Variants in CLUL1 observed in about 807,000 individuals in gnomAD.
The protein encoded by CLUL1 is clusterin like 1.
Under a neutral mutation model 49.4 loss-of-function variants are expected in CLUL1, and 43 were observed. The ratio of observed to expected loss-of-function variants is 0.87; its 90% CI spans 0.68 to 1.12. The LOEUF (loss-of-function observed/expected upper bound fraction) is 1.12, where lower values mean the gene tolerates loss of function less well. CLUL1 is among the 50% of genes most tolerant of loss of function. CLUL1 has a pLI of 0.00. For missense variants in CLUL1, 486 were observed against 544.4 expected, an observed-to-expected ratio of 0.89 and a Z score of 1.07; for synonymous variants, 192 against 184.9, an observed-to-expected ratio of 1.04 and a Z score of -0.31.
At chr18:645,793 A>AAC (rs2074464540) in intron 9 of CLUL1, among the ~76,000 whole-genome samples, 1 of 19,480 alleles carries the variant, frequency 5.1e-5, no homozygotes, top group African/African-American at 2.0e-4. Context: ...GACTCTGTTT[A>AAC]AAAAAAAAAA....
intron 8 of CLUL1, among the ~76,000 whole-genome samples, chr18:642,198 A>T (rs948298480): frequency 6.6e-6 from 1 of 152,206 alleles, no homozygotes; most frequent in Non-Finnish European, 1.5e-5. Flanking sequence ...TGGGAGGCTG[A>T]GGTGGGTGGA....
chr18:598,835 C>CT (rs2072735488), intron 1 of CLUL1, among the ~76,000 whole-genome samples: 1 of 152,034 alleles, frequency 6.6e-6, no homozygotes, highest in Non-Finnish European at 1.5e-5. Flanking sequence ...CCCCCTCTTT[C>CT]TTTTTTTCAG....
chr18:621,887 G>A (rs756466417), intron 4 of CLUL1, among the ~76,000 whole-genome samples: 6 of 152,230 alleles, frequency 3.9e-5, no homozygotes, highest in Non-Finnish European at 7.4e-5. Context: ...CTTTGGGTGG[G>A]TCAAGTAAGC....
At chr18:645,809 AAAT>A (rs1321101116) in intron 9 of CLUL1, among the ~76,000 whole-genome samples, 23 of 70,468 alleles carry the variant, frequency 3.3e-4, no homozygotes, top group South Asian at 5.5e-4. Context: ...AAAAAAAAAA[AAAT>A]ATATATATAT....
chr18:649,820 C>T, intron 9 of CLUL1, 78 bp from the exon 10 acceptor site: 2 of 991,408 alleles, frequency 2.0e-6, no homozygotes, highest in South Asian at 1.4e-5. Context: ...TGGACTTTTA[C>T]TCCAAGAAAA....
intron 2 of CLUL1, among the ~76,000 whole-genome samples, chr18:610,280 C>T (rs964421655): frequency 1.3e-5 from 2 of 152,284 alleles, no homozygotes; most frequent in East Asian, 1.9e-4. Context: ...CGCGGCACTT[C>T]GAAGACTCAA....
At chr18:626,871 G>T (rs1349100062) in intron 5 of CLUL1, among the ~76,000 whole-genome samples, 46 of 272 alleles carry the variant, frequency 0.17, 1 homozygote, top group South Asian at 0.5. Flanking sequence ...AAATAAGAAA[G>T]AAAGAAAGAA....
At chr18:609,128 A>G (rs945544506) in intron 2 of CLUL1, among the ~76,000 whole-genome samples, 1 of 152,130 alleles carries the variant, frequency 6.6e-6, no homozygotes, top group African/African-American at 2.4e-5. Context: ...TTTCATATAC[A>G]CCTTATACAC....
At chr18:632,638 G>C (rs568845168) in intron 6 of CLUL1, among the ~76,000 whole-genome samples, 2 of 152,176 alleles carry the variant, frequency 1.3e-5, no homozygotes, top group East Asian at 3.9e-4. Flanking sequence ...ATAAATGAAA[G>C]CTGCCCTCTC....
chr18:600,643 C>T lies in CLUL1; in HGVS notation c.-136+3514C>T, dbSNP rs747616277. ...TGCTAGAGTACGTTTTGATTGTGCA[C>T]CTGAGGAATTAATAGATTAAGTAGT... On this transcript the variant is annotated intron_variant, in intron 1 of 9. Transcript: ENST00000692774. Among the ~76,000 whole-genome samples the T allele has an allele frequency of 4.7e-4, 71 of 152,096 alleles. 1 individual carries two copies. The highest frequency in any genetic ancestry group is 2.0e-4 in the Admixed American group (3 of 15,260).
At chr18:617,949 AT>A (rs2073351076) in intron 2 of CLUL1, 38 bp from the exon 3 acceptor site, 5 of 1,557,148 alleles carry the variant, frequency 3.2e-6, no homozygotes, top group East Asian at 2.3e-5. Flanking sequence ...AACTAACCAA[AT>A]GGAAGACATT....
At chr18:646,288 T>G (rs753125411) in intron 9 of CLUL1, among the ~76,000 whole-genome samples, 3 of 152,128 alleles carry the variant, frequency 2.0e-5, no homozygotes, top group Non-Finnish European at 4.4e-5. Flanking sequence ...TTAAGCCAGA[T>G]GTGACAGGAT....
In CLUL1 at chr18:649,995, C is replaced by T. The variant is rs2144234514; in HGVS notation, c.*94C>T. 1.2e-6 allele frequency: 1 copy of T among 854,294 alleles called. No homozygotes were observed. Among genetic ancestry groups the T allele is most frequent in the Admixed American group, 2.3e-5 (1 of 44,060 alleles). The allele number at this position is 854,294 out of a possible 1,614,324, so 52.9% of individuals were successfully genotyped here. On this transcript the variant is annotated 3_prime_UTR_variant, in exon 10 of 10. Coordinates refer to ENST00000692774, the MANE Select transcript of CLUL1 (RefSeq NM_001393344.1). ...ATAAAAAAGGATAATGCAATAAACA[C>T]AGTTGCAGGAAAGTATGTTAGCTAT...
At chr18:599,518 T>G (rs1432641154) in intron 1 of CLUL1, among the ~76,000 whole-genome samples, 1 of 152,206 alleles carries the variant, frequency 6.6e-6, no homozygotes, top group Non-Finnish European at 1.5e-5. Context: ...TTAGGTAATT[T>G]TTTAAACTTT....
intron 9 of CLUL1, among the ~76,000 whole-genome samples, chr18:645,524 A>G (rs144683718): frequency 1.8e-4 from 28 of 151,942 alleles, no homozygotes; most frequent in East Asian, 9.7e-4. Flanking sequence ...GGCCGGGCGC[A>G]GTGGCTCATG....
At chr18:598,825 C>G (rs1293800152) in intron 1 of CLUL1, among the ~76,000 whole-genome samples, 1 of 152,076 alleles carries the variant, frequency 6.6e-6, no homozygotes, top group Non-Finnish European at 1.5e-5. Flanking sequence ...AAAAAAAGCA[C>G]CCCCTCTTTC....
At chr18:621,905 G>GCC (rs2073498247) in intron 4 of CLUL1, among the ~76,000 whole-genome samples, 1 of 152,100 alleles carries the variant, frequency 6.6e-6, no homozygotes, top group Non-Finnish European at 1.5e-5. Flanking sequence ...AGCAAATGTG[G>GCC]ATTTCACTTC....
chr18:634,445 T>C (rs1230686419), intron 7 of CLUL1, among the ~76,000 whole-genome samples: 2 of 152,152 alleles, frequency 1.3e-5, no homozygotes, highest in Admixed American at 1.3e-4. Context: ...TTTATAAACT[T>C]TTATTATTCC....
chr18:598,338 T>C (rs922768200), intron 1 of CLUL1: 2 of 387,924 alleles, frequency 5.2e-6, no homozygotes, highest in Non-Finnish European at 9.1e-6. Context: ...GATGATCTGT[T>C]TTTCCAGGTC....
Sources: gnomAD v4.1 joint callset for allele counts (sites outside exome capture counted in the v4.1 genomes callset) on GRCh38, gnomAD v4.1.1 for gene constraint, MANE v1.5 for transcripts, NCBI Gene and HGNC (gene_info 2026-07-23, HGNC 2026-07-21) for gene names.